GRIA1: variants seen among roughly 807,000 people sequenced by gnomAD.
The protein encoded by GRIA1 is glutamate receptor 1.
Under a neutral mutation model 99.2 loss-of-function variants are expected in GRIA1, and 31 were observed. The ratio of observed to expected loss-of-function variants is 0.31; its 90% confidence interval spans 0.23 to 0.42. The LOEUF (loss-of-function observed/expected upper bound fraction) is 0.42, where lower values mean the gene tolerates loss of function less well. Among genes scored for constraint, GRIA1 ranks in the 10% least tolerant of loss-of-function variants. GRIA1 has a pLI of 1.00. For missense variants in GRIA1, 782 were observed against 1,157.5 expected (o/e 0.68, Z 4.71); for synonymous variants, 438 against 432.4 (o/e 1.01, Z -0.16).
At chr5:153,521,307 A>G (rs1757123678) in intron 2 of GRIA1, among the ~76,000 whole-genome samples, 1 of 152,240 alleles carries the variant, frequency 6.6e-6, no homozygotes, top group South Asian at 2.1e-4. Flanking sequence ...CATGCCATAA[A>G]CAGAAGAAAG....
chr5:153,795,116 C>T (rs1196584768), intron 14 of GRIA1, among the ~76,000 whole-genome samples: 1 of 152,128 alleles, frequency 6.6e-6, no homozygotes, highest in African/African-American at 2.4e-5. Context: ...GGCATGGAAG[C>T]AGATTCTGAG....
chr5:153,494,135 G>T (rs1286159179), intron 2 of GRIA1, 70 bp downstream of exon 2: 2 of 1,525,890 alleles, frequency 1.3e-6, no homozygotes, highest in African/African-American at 2.8e-5. Flanking sequence ...CTGTGGGTAG[G>T]TGGTGGTGTT....
chr5:153,578,747 A>G (rs1762791469), intron 2 of GRIA1, among the ~76,000 whole-genome samples: 1 of 152,104 alleles, frequency 6.6e-6, no homozygotes, highest in African/African-American at 2.4e-5. Flanking sequence ...TCTTTACTAA[A>G]AATACAAAAA....
intron 11 of GRIA1, among the ~76,000 whole-genome samples, chr5:153,728,401 T>C (rs374046001): frequency 7.6e-6 from 1 of 131,478 alleles, no homozygotes; most frequent in African/African-American, 3.0e-5. Context: ...ATTAAACTAA[T>C]GAGCTTCTGC....
At chr5:153,658,630 CGAT>C (rs1554109568) in intron 5 of GRIA1, among the ~76,000 whole-genome samples, 4 of 152,096 alleles carry the variant, frequency 2.6e-5, no homozygotes, top group Non-Finnish European at 4.4e-5. Flanking sequence ...ATTCATAAGA[CGAT>C]AATTTTTAGA....
At chr5:153,704,410 A>G (rs540469544) in intron 10 of GRIA1, among the ~76,000 whole-genome samples, 1 of 152,276 alleles carries the variant, frequency 6.6e-6, no homozygotes, top group East Asian at 1.9e-4. Context: ...GGAGCAGTGG[A>G]TTTCTGTTGA....
intron 4 of GRIA1, among the ~76,000 whole-genome samples, chr5:153,650,875 A>T (rs923532318): frequency 2.9e-5 from 4 of 140,338 alleles, no homozygotes; most frequent in African/African-American, 1.0e-4. Flanking sequence ...CCTAGCCAAC[A>T]TGGTGAAACC....
At chr5:153,502,934 C>A (rs1381323031) in intron 2 of GRIA1, among the ~76,000 whole-genome samples, 1 of 152,086 alleles carries the variant, frequency 6.6e-6, no homozygotes, top group African/African-American at 2.4e-5. Flanking sequence ...ATTTTCCATC[C>A]TTTTTTGAAC....
chr5:153,687,204 A>G (rs1757403098), intron 8 of GRIA1, among the ~76,000 whole-genome samples: 1 of 152,204 alleles, frequency 6.6e-6, no homozygotes, highest in Non-Finnish European at 1.5e-5. Context: ...TTGGTGGCGT[A>G]GCATAATGAC....
intron 5 of GRIA1, among the ~76,000 whole-genome samples, chr5:153,669,539 C>T (rs546791996): frequency 6.6e-6 from 1 of 152,148 alleles, no homozygotes; most frequent in Non-Finnish European, 1.5e-5. Context: ...TACTCTGTCC[C>T]CCACTTTCCA....
intron 2 of GRIA1, among the ~76,000 whole-genome samples, chr5:153,637,217 A>G (rs371838627): frequency 6.6e-6 from 1 of 152,244 alleles, no homozygotes; most frequent in Non-Finnish European, 1.5e-5. Context: ...GTTGGTAGTG[A>G]CTACTATGCA....
intron 2 of GRIA1, among the ~76,000 whole-genome samples, chr5:153,541,267 C>T (rs1379285593): frequency 6.6e-6 from 1 of 152,174 alleles, no homozygotes; most frequent in African/African-American, 2.4e-5. Flanking sequence ...CTTCTGACCA[C>T]TCAACTTCCC....
intron 10 of GRIA1, among the ~76,000 whole-genome samples, chr5:153,705,002 G>A (rs1236484183): frequency 2.6e-5 from 4 of 152,104 alleles, no homozygotes; most frequent in South Asian, 2.1e-4. Flanking sequence ...CTTTACTCAG[G>A]ACTATCTTGG....
chr5:153,629,256 A>G (rs1298282542), intron 2 of GRIA1, among the ~76,000 whole-genome samples: 2 of 152,054 alleles, frequency 1.3e-5, no homozygotes, highest in African/African-American at 4.8e-5. Flanking sequence ...AAGCTGAAAC[A>G]TGCAGCTCGT....
chr5:153,805,000 C>T (rs1766332483), intron 15 of GRIA1, among the ~76,000 whole-genome samples: 1 of 152,152 alleles, frequency 6.6e-6, no homozygotes, highest in Non-Finnish European at 1.5e-5. Flanking sequence ...AATCCACCCA[C>T]CTCGGCCTTC....
intron 2 of GRIA1, among the ~76,000 whole-genome samples, chr5:153,598,057 T>C (rs777068428): frequency 1.7e-4 from 26 of 152,118 alleles, no homozygotes; most frequent in Non-Finnish European, 2.9e-4. Context: ...GAGAATGACA[T>C]GTAAATAACA....
intron 11 of GRIA1, among the ~76,000 whole-genome samples, chr5:153,752,794 AG>A (rs1762584405): frequency 1.3e-5 from 2 of 152,212 alleles, no homozygotes; most frequent in Admixed American, 1.3e-4. Flanking sequence ...TGCTATGAAG[AG>A]ATTTTATAGA....
At chr5:153,493,475 C>T (rs558215867) in intron 1 of GRIA1, among the ~76,000 whole-genome samples, 7 of 152,256 alleles carry the variant, frequency 4.6e-5, no homozygotes, top group Admixed American at 4.6e-4. Context: ...ATTTCAATCA[C>T]CCTGCAGCAC....
At chr5:153,778,186 AGAGAGAGTGTGT>A (rs1764390218) in intron 13 of GRIA1, among the ~76,000 whole-genome samples, 1 of 82,308 alleles carries the variant, frequency 1.2e-5, no homozygotes, top group Non-Finnish European at 2.3e-5. Context: ...AGAGAGAGAG[AGAGAGAGTGTGT>A]GTGTGTGTGT....
Sources: allele counts gnomAD v4.1 joint callset (sites outside exome capture counted in the v4.1 genomes callset), GRCh38; gene constraint gnomAD v4.1.1; transcripts MANE v1.5; gene names NCBI Gene and HGNC (gene_info 2026-07-23, HGNC 2026-07-21).